The following KIF6 variants were observed in gnomAD, a reference collection of about 807,000 sequenced individuals.
KIF6 encodes kinesin-like protein KIF6.
In KIF6, 106 loss-of-function variants were observed where a neutral mutation model predicts 112.7. The observed-to-expected ratio is 0.94, with a 90% CI of 0.80 to 1.11. KIF6 has a LOEUF of 1.11. Among genes scored for constraint, KIF6 ranks in the 50% least tolerant of loss-of-function variants. The probability of loss-of-function intolerance (pLI) is 0.00; values close to 1 mark genes in which losing one functional copy is unlikely to be tolerated. For synonymous variants in KIF6, 339 were observed against 339.9 expected, an observed-to-expected ratio of 1.00 and a Z score of 0.03; for missense variants, 929 against 964.0, an observed-to-expected ratio of 0.96 and a Z score of 0.48.
intron 22 of KIF6, 29 bp from the exon 23 acceptor site, chr6:39,336,577 A>G (rs763874346): frequency 1.2e-6 from 2 of 1,612,738 alleles, no homozygotes; most frequent in East Asian, 2.2e-5. Context: ...GCTTTTGGTT[A>G]GGCTGTGCAT....
chr6:39,581,233 T>G (rs1049070647), intron 9 of KIF6, among the ~76,000 whole-genome samples: 4 of 141,864 alleles, frequency 2.8e-5, no homozygotes, highest in Non-Finnish European at 6.1e-5. Context: ...AATGGTGCCA[T>G]CTCAGCTCAC....
At chr6:39,679,749 G>A (rs1384997685) in intron 3 of KIF6, among the ~76,000 whole-genome samples, 2 of 151,082 alleles carry the variant, frequency 1.3e-5, no homozygotes, top group Non-Finnish European at 1.5e-5. Flanking sequence ...CCGAGTAGCT[G>A]GGACTACAGG....
Position 39,613,184 on chromosome 6 carries a change from A to G in KIF6, c.639+5T>C, listed in dbSNP as rs1783313047. On this transcript the variant is annotated splice_donor_5th_base_variant and intron_variant, in intron 6 of 22. Coordinates refer to ENST00000287152, the MANE Select transcript of KIF6 (RefSeq NM_145027.6). ...AGAAACAGCTTGCAGAGAGAAGTTT[A>G]TTACCTCTGCAATCATTCGGTTGGT... 6.3e-7 allele frequency: 1 copy of G among 1,579,614 alleles called. No homozygotes were observed.
intron 13 of KIF6, among the ~76,000 whole-genome samples, chr6:39,534,426 A>C (rs1778280470): frequency 6.6e-6 from 1 of 152,254 alleles, no homozygotes; most frequent in Non-Finnish European, 1.5e-5. Context: ...CAGAAGCCTC[A>C]GGAGCTGATG....
chr6:39,498,419 T>C (rs886934530), intron 13 of KIF6, among the ~76,000 whole-genome samples: 1 of 152,234 alleles, frequency 6.6e-6, no homozygotes, highest in African/African-American at 2.4e-5. Context: ...GCACAATGAA[T>C]GTTAGAGCAA....
chr6:39,544,508 TTCAAACCAGGA>T, intron 12 of KIF6, 36 bp downstream of exon 12: 1 of 1,579,056 alleles, frequency 6.3e-7, no homozygotes, highest in Non-Finnish European at 8.6e-7. Flanking sequence ...GTTTACCCCT[TTCAAACCAGGA>T]TAGAGGAAGT....
At chr6:39,400,643 G>A (rs1768629721) in intron 15 of KIF6, among the ~76,000 whole-genome samples, 1 of 152,198 alleles carries the variant, frequency 6.6e-6, no homozygotes, top group Non-Finnish European at 1.5e-5. Context: ...TGTGTGGCAA[G>A]GAGAGGGGAA....
intron 5 of KIF6, among the ~76,000 whole-genome samples, chr6:39,626,775 A>T (rs1784116985): frequency 6.6e-6 from 1 of 152,182 alleles, no homozygotes; most frequent in Non-Finnish European, 1.5e-5. Context: ...TGTTTATTCA[A>T]ACATGTGAAT....
intron 13 of KIF6, among the ~76,000 whole-genome samples, chr6:39,451,176 G>T (rs1160080449): frequency 6.6e-6 from 1 of 152,182 alleles, no homozygotes; most frequent in Non-Finnish European, 1.5e-5. Flanking sequence ...TATTCTTGGA[G>T]CTGGGAATAT....
At chr6:39,625,653 A>C (rs935518236) in intron 5 of KIF6, among the ~76,000 whole-genome samples, 1 of 152,194 alleles carries the variant, frequency 6.6e-6, no homozygotes, top group African/African-American at 2.4e-5. Flanking sequence ...GAGACAGAAA[A>C]AAATAACACA....
intron 14 of KIF6, among the ~76,000 whole-genome samples, chr6:39,423,444 A>T: frequency 6.6e-6 from 1 of 151,550 alleles, no homozygotes; most frequent in South Asian, 2.1e-4. Flanking sequence ...AATCCACAGG[A>T]TTTTGTCCTA....
intron 3 of KIF6, among the ~76,000 whole-genome samples, chr6:39,671,844 C>G (rs948959253): frequency 6.6e-6 from 1 of 152,178 alleles, no homozygotes; most frequent in African/African-American, 2.4e-5. Context: ...GCACGTTCTC[C>G]CCATGTCTTT....
At chr6:39,664,233 T>A (rs1448989420) in intron 3 of KIF6, among the ~76,000 whole-genome samples, 2 of 152,042 alleles carry the variant, frequency 1.3e-5, no homozygotes, top group Non-Finnish European at 2.9e-5. Flanking sequence ...GTAGTAGCGA[T>A]CCCAAAGAAG....
At position 39,586,382 on chromosome 6, in the gene KIF6, T is replaced by A. The variant is rs183216278; in HGVS notation, c.869A>T (p.Lys290Met). Reference sequence around the variant, plus strand: ...TCTATAAGGAATGTGCGAACGGTGCTTTTCTGAAAGGGCAATGATAACCTG... The same window carrying A: ...TCTATAAGGAATGTGCGAACGGTGCATTTCTGAAAGGGCAATGATAACCTG... Reference protein sequence around the residue: ...LEQVIIALSEKHRSHIPYRNS... With the variant: ...LEQVIIALSEMHRSHIPYRNS... The change falls in exon 8 of 23, where the codon AAG becomes ATG. Residue 290 changes from lysine (K) to methionine (M), a missense_variant. By Grantham distance (95) the Lys-to-Met change is moderately conservative. Coordinates refer to ENST00000287152, the MANE Select transcript of KIF6 (RefSeq NM_145027.6). 32 of 1,614,110 alleles carry A rather than the reference T, an allele frequency of 2.0e-5. No individual in the cohort carries two copies. Among genetic ancestry groups the A allele is most frequent in the Non-Finnish European group, 8.5e-6 (10 of 1,179,988 alleles).
At chr6:39,399,365 G>T (rs1295450230) in intron 15 of KIF6, among the ~76,000 whole-genome samples, 1 of 152,142 alleles carries the variant, frequency 6.6e-6, no homozygotes, top group South Asian at 2.1e-4. Context: ...GTACTCAATA[G>T]TGGTCACAAC....
intron 3 of KIF6, among the ~76,000 whole-genome samples, chr6:39,663,881 T>C (rs935306512): frequency 1.3e-5 from 2 of 151,550 alleles, no homozygotes; most frequent in Admixed American, 6.6e-5. Flanking sequence ...CATGAGACAG[T>C]GTAGTTTTAA....
At chr6:39,446,158 T>C in intron 13 of KIF6, among the ~76,000 whole-genome samples, 1 of 152,214 alleles carries the variant, frequency 6.6e-6, no homozygotes, top group South Asian at 2.1e-4. Flanking sequence ...GTGCCCCGGA[T>C]CTGCCATTTA....
chr6:39,498,156 C>T (rs1775894614), intron 13 of KIF6, among the ~76,000 whole-genome samples: 1 of 152,020 alleles, frequency 6.6e-6, no homozygotes, highest in African/African-American at 2.4e-5. Flanking sequence ...TTCCTCCTTC[C>T]CAATTCCTGG....
At chr6:39,405,511 T>C (rs1769018983) in intron 15 of KIF6, among the ~76,000 whole-genome samples, 1 of 152,216 alleles carries the variant, frequency 6.6e-6, no homozygotes, top group Non-Finnish European at 1.5e-5. Flanking sequence ...GTGGATTATA[T>C]TGATTGATTT....
Sources: allele counts gnomAD v4.1 joint callset (sites outside exome capture counted in the v4.1 genomes callset), GRCh38; gene constraint gnomAD v4.1.1; transcripts MANE v1.5; gene names NCBI Gene and HGNC (gene_info 2026-07-23, HGNC 2026-07-21).